Variants in SGSM1 observed in about 807,000 individuals in gnomAD.
SGSM1 encodes the protein RUN and TBC1 domain containing 2.
Under a neutral mutation model 133.8 loss-of-function variants are expected in SGSM1, and 73 were observed. The observed-to-expected ratio is 0.55, with a 90% confidence interval of 0.45 to 0.66. SGSM1 has a LOEUF of 0.66. SGSM1 is among the 30% of genes least tolerant of loss of function. SGSM1 has a pLI of 0.00. For synonymous variants in SGSM1, 563 were observed against 573.0 expected, an observed-to-expected ratio of 0.98 and a Z score of 0.25; for missense variants, 1,213 against 1,448.1, an observed-to-expected ratio of 0.84 and a Z score of 2.64.
At chr22:24,845,986 TTTCTTTCTTTCTTTCTTTCTTTC>T (rs1930114455) in intron 3 of SGSM1, among the ~76,000 whole-genome samples, 1 of 147,140 alleles carries the variant, frequency 6.8e-6, no homozygotes, top group Non-Finnish European at 1.5e-5. Flanking sequence ...TCTTTCTTTC[TTTCTTTCTTTCTTTCTTTCTTTC>T]TTCATTTCTT....
intron 21 of SGSM1, among the ~76,000 whole-genome samples, chr22:24,905,596 G>T (rs1488072364): frequency 6.6e-6 from 1 of 151,890 alleles, no homozygotes; most frequent in Non-Finnish European, 1.5e-5. Context: ...GACCATCCTG[G>T]TGAACACGGT....
intron 12 of SGSM1, among the ~76,000 whole-genome samples, chr22:24,872,911 T>TC (rs1931836820): frequency 6.7e-6 from 1 of 148,714 alleles, no homozygotes. Flanking sequence ...AGAGCGAGAC[T>TC]CCATCTCAAA....
chr22:24,867,453 G>A (rs1931523266), intron 10 of SGSM1, among the ~76,000 whole-genome samples: 1 of 152,188 alleles, frequency 6.6e-6, no homozygotes, highest in Non-Finnish European at 1.5e-5. Context: ...CACTTACTAA[G>A]CAGTGATAAT....
chr22:24,851,541 CT>C (rs921340964), intron 5 of SGSM1, among the ~76,000 whole-genome samples: 44 of 151,728 alleles, frequency 2.9e-4, no homozygotes, highest in South Asian at 8.3e-4. Context: ...TTAACCACAT[CT>C]TCACACAGTG....
chr22:24,856,797 C>A (rs1219529162), intron 8 of SGSM1, among the ~76,000 whole-genome samples: 5 of 146,988 alleles, frequency 3.4e-5, no homozygotes. Context: ...GAGACAGAGT[C>A]TCGCTCTATT....
At chr22:24,900,377 T>TTCTC (rs1349777718) in intron 19 of SGSM1, among the ~76,000 whole-genome samples, 1 of 68,280 alleles carries the variant, frequency 1.5e-5, no homozygotes, top group African/African-American at 6.2e-5. Flanking sequence ...CTTTCTTTCT[T>TTCTC]TCTTTCTTTC....
At chr22:24,901,658 C>T (rs1006487285) in intron 19 of SGSM1, among the ~76,000 whole-genome samples, 175 bp from the exon 20 acceptor site, 1 of 152,062 alleles carries the variant, frequency 6.6e-6, no homozygotes. Context: ...ATTAAACACA[C>T]CCTCCCAGAA....
intron 13 of SGSM1, among the ~76,000 whole-genome samples, chr22:24,878,687 C>T (rs535687903): frequency 7.9e-5 from 12 of 152,226 alleles, no homozygotes; most frequent in South Asian, 2.1e-4. Flanking sequence ...TGACTCCTCT[C>T]ACCTCTTTCA....
rs1569144681 is a variant in SGSM1 at position 24,845,951 on chromosome 22, T to TTCTTTCTTTCTTTCTTTCTC, written c.139+998_139+999insCTCTTTCTTTCTTTCTTTCT. Among the ~76,000 whole-genome samples the TTCTTTCTTTCTTTCTTTCTC allele has an allele frequency of 1.4e-3, 115 of 81,130 alleles. 1 individual carries two copies. The highest frequency in any genetic ancestry group is 4.5e-3 in the African/African-American group (110 of 24,394). 53.2% of individuals were successfully genotyped at this position (81,130 alleles called of 152,430 possible). A position where few individuals can be genotyped will look rare whatever the true frequency, so the allele number is the denominator to read the frequency against. On this transcript the variant is annotated intron_variant, in intron 3 of 24. Coordinates refer to ENST00000400358, the MANE Select transcript of SGSM1 (RefSeq NM_001098497.3). ...CTTTCTTTTCTTTTCTTTTCTTTCT[T>TTCTTTCTTTCTTTCTTTCTC]TCTTTCTTTCTTTCTTTCTTTCTTT...
intron 9 of SGSM1, among the ~76,000 whole-genome samples, chr22:24,865,109 C>T (rs1569154101): frequency 6.6e-6 from 1 of 152,220 alleles, no homozygotes; most frequent in Non-Finnish European, 1.5e-5. Flanking sequence ...GAGACTGTGG[C>T]CACAGAGCTC....
Position 24,851,449 on chromosome 22 carries a change from GGAGAGAGAGAGAGAGA to G in SGSM1, c.455+1038_455+1053del, listed in dbSNP as rs56956761. 1.7e-4 allele frequency among the ~76,000 whole-genome samples: 19 copies of G among 112,868 alleles called. 1 individual carries two copies. The East Asian group carries it at 2.8e-3, about 17-fold the overall frequency. 74.0% of individuals were successfully genotyped at this position (112,868 alleles called of 152,430 possible). ...GGCAGGAAGGGAGGGGGGGGTGGGG[GGAGAGAGAGAGAGAGA>G]GAGAGAGAGAGAGAGAGAGAAATAT... On this transcript the variant is annotated intron_variant, in intron 5 of 24. Coordinates refer to ENST00000400358, the MANE Select transcript of SGSM1 (RefSeq NM_001098497.3).
intron 9 of SGSM1, among the ~76,000 whole-genome samples, chr22:24,865,560 G>A (rs1931399690): frequency 6.6e-6 from 1 of 152,204 alleles, no homozygotes; most frequent in Non-Finnish European, 1.5e-5. Context: ...CTGAGGGCCA[G>A]AAACTGAGGT....
At position 24,901,889 on chromosome 22, in the gene SGSM1, G is replaced by A. The variant is rs143072147; in HGVS notation, c.2667G>A (p.Gln889=). ...TGCACCGCATCGAGAAGGATGTGCAGAGGTGCGACCGCAACTACTGGTACT... is the reference window on the plus strand; with the variant it reads ...TGCACCGCATCGAGAAGGATGTGCAAAGGTGCGACCGCAACTACTGGTACT... The part of the protein sequence containing the change: ...VNLHRIEKDV[Q]RCDRNYWYFT... The change falls in exon 20 of 25, where the codon CAG becomes CAA. Residue 889 remains glutamine, a synonymous_variant. Coordinates refer to ENST00000400358, the MANE Select transcript of SGSM1 (RefSeq NM_001098497.3). 1.8e-3 allele frequency: 2,862 copies of A among 1,610,282 alleles called. 5 individuals carry two copies. Among genetic ancestry groups the A allele is most frequent in the Middle Eastern group, 2.5e-3 (15 of 6,062 alleles).
In SGSM1 at chr22:24,854,974, G is replaced by A. The variant is rs771530462; in HGVS notation, c.456-22G>A. On this transcript the variant is annotated intron_variant, in intron 5 of 24. Coordinates refer to ENST00000400358, the MANE Select transcript of SGSM1 (RefSeq NM_001098497.3). Reference sequence around the variant, plus strand: ...CCTCTGCTGGTCTCCATCCAAACCTGCATATTCTCTCCTCTTGCTAGTAAA... The same window carrying A: ...CCTCTGCTGGTCTCCATCCAAACCTACATATTCTCTCCTCTTGCTAGTAAA... The A allele has an allele frequency of 2.5e-6, 4 of 1,606,028 alleles. No individual in the cohort carries two copies. In the African/African-American group the frequency reaches 5.4e-5, roughly 21 times the overall value.
intron 2 of SGSM1, among the ~76,000 whole-genome samples, chr22:24,807,299 G>C (rs1174484868): frequency 6.6e-6 from 1 of 151,230 alleles, no homozygotes; most frequent in Admixed American, 6.6e-5. Context: ...CTGTGGCTGT[G>C]AGTGTGTGCG....
chr22:24,872,701 G>C (rs76818490), intron 12 of SGSM1, among the ~76,000 whole-genome samples: 4,613 of 152,124 alleles, frequency 0.03, 229 homozygotes, highest in African/African-American at 0.11. Flanking sequence ...GGCAGATCAC[G>C]AGGTCAGGAG....
chr22:24,916,015 A>G (rs979981626), intron 22 of SGSM1, among the ~76,000 whole-genome samples: 1 of 150,426 alleles, frequency 6.6e-6, no homozygotes, highest in African/African-American at 2.5e-5. Context: ...AGCATATCCA[A>G]TAGCTGGAGG....
intron 14 of SGSM1, among the ~76,000 whole-genome samples, chr22:24,883,635 A>C (rs1029816265): frequency 1.3e-5 from 2 of 152,196 alleles, no homozygotes; most frequent in African/African-American, 4.8e-5. Flanking sequence ...GAAGTTGACA[A>C]GAATTCACTG....
At chr22:24,903,061 A>T (rs1209869707) in intron 20 of SGSM1, among the ~76,000 whole-genome samples, 2 of 152,118 alleles carry the variant, frequency 1.3e-5, no homozygotes, top group Admixed American at 1.3e-4. Flanking sequence ...CAAAAATCTA[A>T]ATCAAAGAAA....
Sources: gnomAD v4.1 joint callset for allele counts (sites outside exome capture counted in the v4.1 genomes callset) on GRCh38, gnomAD v4.1.1 for gene constraint, MANE v1.5 for transcripts, NCBI Gene and HGNC (gene_info 2026-07-23, HGNC 2026-07-21) for gene names.